The following TANGO6 variants were observed in gnomAD, a reference collection of about 807,000 sequenced individuals.
The protein encoded by TANGO6 is transport and Golgi organization protein 6 homolog.
In TANGO6, 90 loss-of-function variants were observed where a neutral mutation model predicts 114.2. That is an observed-to-expected ratio of 0.79 (90% CI 0.66 to 0.94). The LOEUF (loss-of-function observed/expected upper bound fraction) is 0.94. TANGO6 is among the 40% of genes least tolerant of loss of function. TANGO6 has a pLI of 0.00. For missense variants in TANGO6, 1,274 were observed against 1,315.3 expected, an observed-to-expected ratio of 0.97 and a Z score of 0.49; for synonymous variants, 477 against 509.8, an observed-to-expected ratio of 0.94 and a Z score of 0.87.
At chr16:68,922,465 G>T (rs910755429) in intron 12 of TANGO6, among the ~76,000 whole-genome samples, 39 of 152,150 alleles carry the variant, frequency 2.6e-4, no homozygotes, top group African/African-American at 9.4e-4. Context: ...GAACCCAGGA[G>T]GGGGAGGTTG....
intron 15 of TANGO6, among the ~76,000 whole-genome samples, chr16:68,986,197 G>A (rs928407776): frequency 7.2e-5 from 11 of 152,180 alleles, no homozygotes; most frequent in African/African-American, 2.7e-4. Flanking sequence ...CTAAAAGTCA[G>A]AACAAAAATA....
At position 68,880,555 on chromosome 16, in the gene TANGO6, A is replaced by G. The variant is rs1962443981; in HGVS notation, c.1302A>G (p.Ser434=). 9 of 1,611,066 alleles carry G rather than the reference A, an allele frequency of 5.6e-6. No homozygotes were observed. Among genetic ancestry groups the G allele is most frequent in the Non-Finnish European group, 6.8e-6 (8 of 1,178,728 alleles). The stretch of plus-strand genomic sequence containing the variant: ...TGTGTGTTTATTTTCTAGAGCTTTC[A>G]GAGAGTGACATGGTACCAGGAACTA... The part of the protein sequence containing the change: ...LHRCLNTAEL[S]ESDMVPGTIL... Residue 434 remains serine (S), a synonymous_variant, in exon 7 of 18, where the codon TCA becomes TCG. Coordinates refer to ENST00000261778, the MANE Select transcript of TANGO6 (RefSeq NM_024562.2).
chr16:68,919,180 CA>C lies in TANGO6; in HGVS notation c.2089del (p.Met697TrpfsTer8). The stretch of plus-strand genomic sequence containing the variant: ...TGGAATCACAGACGCTGAGCATGTC[CA>C]TGGGGCTGGTGGCTGTCATGCTAGG... ...TVESQTLSMS[M>X]GLVAVMLGGA... On this transcript the variant is annotated frameshift_variant, in exon 12 of 18. Transcript: ENST00000261778. LOFTEE classifies it high-confidence loss of function. 6.2e-7 allele frequency: 1 copy of C among 1,612,742 alleles called. No homozygotes were observed.
At chr16:69,001,256 C>G (rs1170145355) in intron 15 of TANGO6, among the ~76,000 whole-genome samples, 1 of 152,092 alleles carries the variant, frequency 6.6e-6, no homozygotes, top group East Asian at 1.9e-4. Flanking sequence ...TTAAATGGCT[C>G]TAACGCAGGT....
intron 14 of TANGO6, among the ~76,000 whole-genome samples, chr16:68,956,220 T>C (rs1261003049): frequency 6.6e-6 from 1 of 152,150 alleles, no homozygotes; most frequent in Non-Finnish European, 1.5e-5. Context: ...TTAAAAGCAT[T>C]AAAGAGCTCA....
At chr16:68,861,880 G>T (rs779561695) in intron 2 of TANGO6, among the ~76,000 whole-genome samples, 1 of 152,006 alleles carries the variant, frequency 6.6e-6, no homozygotes, top group Non-Finnish European at 1.5e-5. Context: ...CCCCAAAATT[G>T]TACCCCCTCT....
At chr16:68,856,242 G>A (rs761564088) in intron 1 of TANGO6, among the ~76,000 whole-genome samples, 4 of 152,290 alleles carry the variant, frequency 2.6e-5, no homozygotes, top group Admixed American at 1.3e-4. Flanking sequence ...AGGTTTGTCC[G>A]TGGATACCCT....
intron 14 of TANGO6, among the ~76,000 whole-genome samples, chr16:68,953,989 C>T (rs529195341): frequency 6.6e-6 from 1 of 152,126 alleles, no homozygotes; most frequent in Non-Finnish European, 1.5e-5. Context: ...CCTGTAATCC[C>T]AGCACTTTCG....
At chr16:69,035,527 T>C in intron 16 of TANGO6, 1 of 152,220 alleles carries the variant, frequency 6.6e-6, no homozygotes, top group East Asian at 1.9e-4. Context: ...TTATCTTTAT[T>C]TATATAGTTC....
At chr16:69,033,151 A>C (rs1959627346) in intron 16 of TANGO6, among the ~76,000 whole-genome samples, 1 of 152,124 alleles carries the variant, frequency 6.6e-6, no homozygotes, top group South Asian at 2.1e-4. Flanking sequence ...ACACCACTGT[A>C]CTCCAGCCTG....
intron 7 of TANGO6, among the ~76,000 whole-genome samples, chr16:68,898,598 C>T (rs2152180237): frequency 6.6e-6 from 1 of 152,244 alleles, no homozygotes; most frequent in South Asian, 2.1e-4. Context: ...CCTTGGCCTC[C>T]CTAAGTGCTG....
intron 8 of TANGO6, among the ~76,000 whole-genome samples, chr16:68,902,058 A>C (rs1451176171): frequency 6.6e-6 from 1 of 152,064 alleles, no homozygotes; most frequent in African/African-American, 2.4e-5. Context: ...CCAAAAAAAA[A>C]AAAAAAAAAA....
chr16:68,866,480 G>A (rs60147214), intron 3 of TANGO6, among the ~76,000 whole-genome samples: 3,664 of 150,838 alleles, frequency 0.024, 156 homozygotes, highest in African/African-American at 0.083. Context: ...AAAATTAGCC[G>A]GGCGCGGTGG....
At chr16:68,860,674 G>T (rs1017125913) in intron 2 of TANGO6, 150 bp downstream of exon 2, 2 of 1,083,932 alleles carry the variant, frequency 1.8e-6, no homozygotes, top group East Asian at 2.6e-5. Context: ...ATCTTTTGGG[G>T]GTGGGCGCAA....
chr16:68,898,265 A>G (rs902046991), intron 7 of TANGO6, among the ~76,000 whole-genome samples: 9 of 152,182 alleles, frequency 5.9e-5, no homozygotes, highest in African/African-American at 2.2e-4. Flanking sequence ...GATCATGCAC[A>G]GGAAGCTGGC....
chr16:69,033,451 A>C lies in TANGO6; in HGVS notation c.2995-6857A>C, dbSNP rs999726696. Among the ~76,000 whole-genome samples the C allele has an allele frequency of 3.3e-5, 5 of 152,198 alleles. No individual in the cohort carries two copies. The East Asian group carries it at 9.6e-4, about 29-fold the overall frequency. On this transcript the variant is annotated intron_variant, in intron 16 of 17. Transcript: ENST00000261778. Reference sequence around the variant, plus strand: ...AGTCTCAGTAACTTGTGTGAAACGCAGAGGAGTAAATCAACAGTGGATAGG... The same window carrying C: ...AGTCTCAGTAACTTGTGTGAAACGCCGAGGAGTAAATCAACAGTGGATAGG...
chr16:68,875,370 A>T, intron 5 of TANGO6, 80 bp downstream of exon 5: 1 of 1,488,088 alleles, frequency 6.7e-7, no homozygotes, highest in Non-Finnish European at 9.1e-7. Context: ...TTCCTCTAGT[A>T]TTGAGATAAA....
chr16:68,984,051 A>G (rs888728051), intron 15 of TANGO6, among the ~76,000 whole-genome samples: 3 of 152,026 alleles, frequency 2.0e-5, no homozygotes, highest in African/African-American at 7.2e-5. Flanking sequence ...AAAAAAAAAA[A>G]AAAGAAAAAT....
intron 8 of TANGO6, among the ~76,000 whole-genome samples, chr16:68,901,043 TTAAGTAGGATTCATTTTG>T (rs1962777103): frequency 6.6e-6 from 1 of 152,198 alleles, no homozygotes; most frequent in African/African-American, 2.4e-5. Flanking sequence ...GTCGTAGAAT[TTAAGTAGGATTCATTTTG>T]TATCAGCTCT....
Sources: allele counts gnomAD v4.1 joint callset (sites outside exome capture counted in the v4.1 genomes callset), GRCh38; gene constraint gnomAD v4.1.1; transcripts MANE v1.5; gene names NCBI Gene and HGNC (gene_info 2026-07-23, HGNC 2026-07-21).